The following DDX60L variants were observed in gnomAD, a reference collection of about 807,000 sequenced individuals.
DDX60L encodes the protein DExD/H-box 60 like, also known as probable ATP-dependent RNA helicase DDX60-like.
In DDX60L, 191 loss-of-function variants were observed where a neutral mutation model predicts 211.6. That is an observed-to-expected ratio of 0.90 (90% CI 0.80 to 1.02). The LOEUF (loss-of-function observed/expected upper bound fraction) is 1.02. Ranked by LOEUF, DDX60L falls within the 50% of genes least tolerant of loss-of-function variation. DDX60L has a pLI of 0.00. For synonymous variants in DDX60L, 706 were observed against 694.1 expected, an observed-to-expected ratio of 1.02 and a Z score of -0.27; for missense variants, 2,007 against 1,984.1, an observed-to-expected ratio of 1.01 and a Z score of -0.22.
chr4:168,465,883 T>G (rs1263611733), intron 4 of DDX60L, among the ~76,000 whole-genome samples: 2 of 152,164 alleles, frequency 1.3e-5, no homozygotes, highest in Admixed American at 6.6e-5. Flanking sequence ...ACCATGCTGT[T>G]TGGGTTACTA....
intron 24 of DDX60L, 95 bp downstream of exon 24, chr4:168,405,855 A>G (rs1458448910): frequency 1.5e-6 from 2 of 1,342,748 alleles, no homozygotes; most frequent in Non-Finnish European, 2.0e-6. Flanking sequence ...AAATCGGAAT[A>G]AAAAGATTAC....
intron 36 of DDX60L, among the ~76,000 whole-genome samples, chr4:168,370,331 A>T (rs1336889614): frequency 6.6e-6 from 1 of 152,194 alleles, no homozygotes; most frequent in Non-Finnish European, 1.5e-5. Flanking sequence ...AGAAAGAAAA[A>T]TATTGCATGA....
intron 8 of DDX60L, among the ~76,000 whole-genome samples, chr4:168,451,895 AAC>A (rs1755856674): frequency 6.6e-6 from 1 of 152,096 alleles, no homozygotes; most frequent in African/African-American, 2.4e-5. Context: ...TTCCCCCACT[AAC>A]TACTACTCAT....
At chr4:168,450,047 A>G (rs1436794202) in intron 8 of DDX60L, among the ~76,000 whole-genome samples, 1 of 152,162 alleles carries the variant, frequency 6.6e-6, no homozygotes, top group Non-Finnish European at 1.5e-5. Context: ...AACCCCCTTC[A>G]TTCCTGGGGA....
At chr4:168,428,113 A>G (rs1751753914) in intron 13 of DDX60L, among the ~76,000 whole-genome samples, 1 of 152,234 alleles carries the variant, frequency 6.6e-6, no homozygotes, top group Non-Finnish European at 1.5e-5. Context: ...TGGTTGCTTC[A>G]GGATGCTGTA....
Position 168,442,242 on chromosome 4 carries a change from G to A in DDX60L, c.1139-750C>T, listed in dbSNP as rs963998337. On this transcript the variant is annotated intron_variant, in intron 9 of 37. Coordinates refer to ENST00000682922, the MANE Select transcript of DDX60L (RefSeq NM_001012967.3). ...TTTCTGAGTCAAAGAAAGGGGTGAC[G>A]GACGGCACCTGGAAAATCGGGTCAC... 6.6e-5 allele frequency among the ~76,000 whole-genome samples: 10 copies of A among 152,278 alleles called. No individual in the cohort carries two copies. The East Asian group carries it at 9.7e-4, about 15-fold the overall frequency.
intron 29 of DDX60L, among the ~76,000 whole-genome samples, chr4:168,388,372 A>G (rs1171141179): frequency 1.3e-5 from 2 of 152,212 alleles, no homozygotes; most frequent in African/African-American, 4.8e-5. Flanking sequence ...TTACTAAAAC[A>G]ATTTGTGCCA....
chr4:168,477,198 A>G (rs11943649), intron 1 of DDX60L, among the ~76,000 whole-genome samples: 1,536 of 152,176 alleles, frequency 0.01, 25 homozygotes, highest in African/African-American at 0.033. Context: ...GACGGATCAC[A>G]AGGTCAGGAG....
intron 8 of DDX60L, 33 bp downstream of exon 8, chr4:168,453,091 T>G: frequency 6.3e-7 from 1 of 1,586,222 alleles, no homozygotes; most frequent in South Asian, 1.2e-5. Context: ...TCATCTCTCA[T>G]GTTCAGACAA....
At chr4:168,471,537 T>G in intron 4 of DDX60L, 1 of 400,166 alleles carries the variant, frequency 2.5e-6, no homozygotes. Flanking sequence ...TGTGGGAACA[T>G]AGAGTTGAGG....
At chr4:168,423,151 G>A (rs1403311931) in intron 15 of DDX60L, among the ~76,000 whole-genome samples, 2 of 152,032 alleles carry the variant, frequency 1.3e-5, no homozygotes, top group African/African-American at 4.8e-5. Flanking sequence ...TAATATTTAA[G>A]TAAGAAGAGT....
At chr4:168,369,232 G>A (rs1450881957) in intron 36 of DDX60L, among the ~76,000 whole-genome samples, 5 of 152,128 alleles carry the variant, frequency 3.3e-5, no homozygotes, top group African/African-American at 1.2e-4. Context: ...ATGGGGGCAG[G>A]TCTTTCCTGA....
At chr4:168,466,747 T>C (rs533857513) in intron 4 of DDX60L, among the ~76,000 whole-genome samples, 1 of 152,186 alleles carries the variant, frequency 6.6e-6, no homozygotes, top group Non-Finnish European at 1.5e-5. Context: ...AGTTTATGTT[T>C]AAAAACTGGT....
At chr4:168,456,002 C>A in intron 7 of DDX60L, 37 bp downstream of exon 7, 1 of 1,424,786 alleles carries the variant, frequency 7.0e-7, no homozygotes, top group Non-Finnish European at 9.6e-7. Context: ...TGATGAATGA[C>A]AGCTTTCTGC....
At chr4:168,415,311 T>A (rs1172880660) in intron 22 of DDX60L, 97 bp downstream of exon 22, 1 of 504,202 alleles carries the variant, frequency 2.0e-6, no homozygotes, top group Non-Finnish European at 3.4e-6. Context: ...AAAAAGATTA[T>A]CTATACATGC....
chr4:168,397,030 T>C (rs1028756797), intron 26 of DDX60L, among the ~76,000 whole-genome samples: 1 of 152,130 alleles, frequency 6.6e-6, no homozygotes, highest in African/African-American at 2.4e-5. Context: ...ATGAATGGGA[T>C]TGGCGACCTT....
chr4:168,393,306 G>A (rs112850511), intron 28 of DDX60L, among the ~76,000 whole-genome samples: 25,067 of 151,984 alleles, frequency 0.16, 2,154 homozygotes, highest in Middle Eastern at 0.26. Flanking sequence ...GACCAGCGTG[G>A]CCAACATGGT....
At chr4:168,381,976 T>C (rs374121879) in intron 30 of DDX60L, among the ~76,000 whole-genome samples, 1 of 152,168 alleles carries the variant, frequency 6.6e-6, no homozygotes, top group African/African-American at 2.4e-5. Context: ...CACTTTTACA[T>C]AGAACTGGGT....
chr4:168,389,076 A>G lies in DDX60L; in HGVS notation c.3915+2464T>C, dbSNP rs553594960. Among the ~76,000 whole-genome samples, 45 of 152,322 alleles carry G rather than the reference A, an allele frequency of 3.0e-4. 1 individual carries two copies. Among genetic ancestry groups the G allele is most frequent in the African/African-American group, 1.0e-3 (42 of 41,560 alleles). ...GCAGCTTTCTCAGTGGCTGCTCCCA[A>G]TGATTCTAATAATCACAGCTTCCTG... On this transcript the variant is annotated intron_variant, in intron 29 of 37. Coordinates refer to ENST00000682922, the MANE Select transcript of DDX60L (RefSeq NM_001012967.3).
Sources: gnomAD v4.1 joint callset for allele counts (sites outside exome capture counted in the v4.1 genomes callset) on GRCh38, gnomAD v4.1.1 for gene constraint, MANE v1.5 for transcripts, NCBI Gene and HGNC (gene_info 2026-07-23, HGNC 2026-07-21) for gene names.